SGCZ: variants seen among roughly 807,000 people sequenced by gnomAD.
The protein encoded by SGCZ is sarcoglycan zeta, also known as zeta-sarcoglycan.
Under a neutral mutation model 41.3 loss-of-function variants are expected in SGCZ, and 40 were observed. The observed-to-expected ratio is 0.97, with a 90% CI of 0.75 to 1.26. SGCZ has a LOEUF of 1.26. Ranked by LOEUF, SGCZ falls within the 50% of genes most tolerant of loss-of-function variation. SGCZ has a pLI of 0.00. For synonymous variants in SGCZ, 206 were observed against 137.5 expected (o/e 1.50, Z -3.49); for missense variants, 552 against 369.8 (o/e 1.49, Z -4.04).
chr8:14,827,732 T>C (rs1385246763), intron 1 of SGCZ, among the ~76,000 whole-genome samples: 2 of 152,190 alleles, frequency 1.3e-5, no homozygotes, highest in East Asian at 1.9e-4. Flanking sequence ...TCAACTCTAA[T>C]GCAATGACAG....
intron 6 of SGCZ, among the ~76,000 whole-genome samples, chr8:14,104,178 A>G (rs186312389): frequency 4.6e-5 from 7 of 152,308 alleles, no homozygotes; most frequent in Non-Finnish European, 1.0e-4. Flanking sequence ...GTGGATTTCT[A>G]TGTAATTAGT....
intron 3 of SGCZ, among the ~76,000 whole-genome samples, chr8:14,275,482 G>A (rs1800197851): frequency 1.3e-5 from 2 of 152,052 alleles, no homozygotes; most frequent in Non-Finnish European, 2.9e-5. Context: ...TGTGTCAAAG[G>A]GAGGCATATT....
intron 2 of SGCZ, among the ~76,000 whole-genome samples, chr8:14,522,583 A>G (rs957030287): frequency 1.3e-5 from 2 of 151,672 alleles, no homozygotes; most frequent in African/African-American, 4.8e-5. Context: ...TTCATTCCTT[A>G]TATTGGAAAC....
intron 1 of SGCZ, among the ~76,000 whole-genome samples, chr8:14,770,006 T>C (rs1224264715): frequency 6.6e-6 from 1 of 151,864 alleles, no homozygotes; most frequent in Admixed American, 6.6e-5. Flanking sequence ...GAATATACCA[T>C]GCTCCCTTGT....
intron 2 of SGCZ, among the ~76,000 whole-genome samples, chr8:14,516,890 G>A (rs28635146): frequency 0.016 from 2,458 of 152,102 alleles, 61 homozygotes; most frequent in African/African-American, 0.057. Context: ...GAAACAACAA[G>A]CTGACACCAA....
chr8:14,410,311 G>C (rs940705653), intron 2 of SGCZ, among the ~76,000 whole-genome samples: 1 of 151,676 alleles, frequency 6.6e-6, no homozygotes, highest in African/African-American at 2.4e-5. Flanking sequence ...ATAAGACACT[G>C]GTCTTAATAT....
chr8:15,233,195 T>C (rs1802011980), intron 1 of SGCZ, among the ~76,000 whole-genome samples: 1 of 151,872 alleles, frequency 6.6e-6, no homozygotes, highest in Admixed American at 6.6e-5. Context: ...ATATGCCATT[T>C]GTTAGAGAGT....
chr8:14,418,556 T>G lies in SGCZ; in HGVS notation c.235-94352A>C, dbSNP rs187303080. Among the ~76,000 whole-genome samples, 23 of 152,054 alleles carry G rather than the reference T, an allele frequency of 1.5e-4. 1 individual carries two copies. The East Asian group carries it at 3.5e-3, about 23-fold the overall frequency. On this transcript the variant is annotated intron_variant, in intron 2 of 7. Coordinates refer to ENST00000382080, the MANE Select transcript of SGCZ (RefSeq NM_139167.4). Reference sequence around the variant, plus strand: ...TATAAAATGGTTTGTCTCATTGTTTTACCTAATATTCTTAAAAGTAGTTCT... The same window carrying G: ...TATAAAATGGTTTGTCTCATTGTTTGACCTAATATTCTTAAAAGTAGTTCT...
rs192348172 is a variant in SGCZ, at chr8:14,118,395, C to G, written c.548-10160G>C. Reference sequence around the variant, plus strand: ...TTGAGAAGTGTCTGTTCATATCCTTCACCCACTTTTTGATGGGGTTGTTTT... The same window carrying G: ...TTGAGAAGTGTCTGTTCATATCCTTGACCCACTTTTTGATGGGGTTGTTTT... On this transcript the variant is annotated intron_variant, in intron 5 of 7. Transcript: ENST00000382080. Among the ~76,000 whole-genome samples, 83 of 152,176 alleles carry G rather than the reference C, an allele frequency of 5.5e-4. 1 individual carries two copies. The East Asian group carries it at 0.015, about 28-fold the overall frequency.
chr8:15,058,176 T>C (rs1252184836), intron 1 of SGCZ, among the ~76,000 whole-genome samples: 2 of 152,236 alleles, frequency 1.3e-5, no homozygotes, highest in Admixed American at 1.3e-4. Context: ...AGATAATTTA[T>C]AACAGCAGTA....
At chr8:14,793,933 C>G (rs1188798123) in intron 1 of SGCZ, among the ~76,000 whole-genome samples, 2 of 152,114 alleles carry the variant, frequency 1.3e-5, no homozygotes, top group Non-Finnish European at 2.9e-5. Flanking sequence ...CAGTCTGGTT[C>G]TCCCACTTGG....
chr8:14,635,678 T>C (rs187427183), intron 1 of SGCZ, among the ~76,000 whole-genome samples: 3 of 151,880 alleles, frequency 2.0e-5, no homozygotes, highest in African/African-American at 7.2e-5. Flanking sequence ...TTAGTAAAGA[T>C]GGAAAAGTGA....
At chr8:14,959,859 A>G (rs913270389) in intron 1 of SGCZ, among the ~76,000 whole-genome samples, 1 of 152,204 alleles carries the variant, frequency 6.6e-6, no homozygotes, top group Non-Finnish European at 1.5e-5. Flanking sequence ...TGGGAGGACA[A>G]CATACAGGGA....
At chr8:14,147,880 T>C (rs575799808) in intron 5 of SGCZ, among the ~76,000 whole-genome samples, 2 of 152,034 alleles carry the variant, frequency 1.3e-5, no homozygotes, top group South Asian at 4.1e-4. Flanking sequence ...ACAATAAAAC[T>C]AGAAATTAAT....
At chr8:14,520,959 A>G (rs558220324) in intron 2 of SGCZ, among the ~76,000 whole-genome samples, 4 of 152,286 alleles carry the variant, frequency 2.6e-5, no homozygotes, top group Admixed American at 2.6e-4. Flanking sequence ...CATAGAATCA[A>G]GAAGATAGCA....
intron 1 of SGCZ, among the ~76,000 whole-genome samples, chr8:14,885,661 T>C (rs1226060471): frequency 6.6e-6 from 1 of 152,010 alleles, no homozygotes; most frequent in African/African-American, 2.4e-5. Context: ...TTCCCCACAG[T>C]GCCTGGCACA....
intron 1 of SGCZ, among the ~76,000 whole-genome samples, chr8:14,731,819 G>C (rs1195963599): frequency 6.6e-6 from 1 of 152,040 alleles, no homozygotes; most frequent in Non-Finnish European, 1.5e-5. Flanking sequence ...TACTCAATCT[G>C]AGTACCACTT....
At chr8:14,866,460 ATGTT>A (rs1585330773) in intron 1 of SGCZ, among the ~76,000 whole-genome samples, 1 of 152,062 alleles carries the variant, frequency 6.6e-6, no homozygotes, top group East Asian at 1.9e-4. Flanking sequence ...ACACACATCT[ATGTT>A]TGTTTATATG....
At chr8:15,174,922 A>C (rs1563166155) in intron 1 of SGCZ, among the ~76,000 whole-genome samples, 2 of 152,140 alleles carry the variant, frequency 1.3e-5, no homozygotes, top group Admixed American at 6.5e-5. Flanking sequence ...TTCAACTGTC[A>C]TGGAAAACAG....
Sources: gnomAD v4.1 joint callset for allele counts (sites outside exome capture counted in the v4.1 genomes callset) on GRCh38, gnomAD v4.1.1 for gene constraint, MANE v1.5 for transcripts, NCBI Gene and HGNC (gene_info 2026-07-23, HGNC 2026-07-21) for gene names.